The following SDK1 variants were observed in gnomAD, a reference collection of about 807,000 sequenced individuals.
SDK1 encodes sidekick cell adhesion molecule 1, also known as protein sidekick-1.
A neutral mutation model predicts 245.5 loss-of-function variants in SDK1; 157 were observed. That is an observed-to-expected ratio of 0.64 (90% CI 0.56 to 0.73). SDK1 has a LOEUF of 0.73. Ranked by LOEUF, SDK1 falls within the 30% of genes least tolerant of loss-of-function variation. The pLI is 0.00. For synonymous variants in SDK1, 1,647 were observed against 1,278.5 expected, an observed-to-expected ratio of 1.29 and a Z score of -6.15; for missense variants, 3,583 against 3,002.3, an observed-to-expected ratio of 1.19 and a Z score of -4.52.
At chr7:4,044,653 C>T (rs1788886643) in intron 17 of SDK1, among the ~76,000 whole-genome samples, 1 of 152,120 alleles carries the variant, frequency 6.6e-6, no homozygotes, top group African/African-American at 2.4e-5. Context: ...CCCTGTTGCC[C>T]AGGCTGGTCT....
intron 4 of SDK1, chr7:3,643,219 G>A (rs1782707898): frequency 6.6e-6 from 1 of 150,852 alleles, no homozygotes; most frequent in African/African-American, 2.4e-5. Context: ...ACCCCTACCT[G>A]AGCATCTGTG....
chr7:3,473,927 T>C (rs947902727), intron 1 of SDK1, among the ~76,000 whole-genome samples: 5 of 151,982 alleles, frequency 3.3e-5, no homozygotes, highest in African/African-American at 1.2e-4. Context: ...AATGTGGACT[T>C]TGGAGCCCAA....
chr7:3,801,825 A>G (rs1022136803), intron 4 of SDK1, among the ~76,000 whole-genome samples: 1 of 152,074 alleles, frequency 6.6e-6, no homozygotes, highest in African/African-American at 2.4e-5. Flanking sequence ...CTCCGTCTTC[A>G]TGTGGTTCTC....
intron 34 of SDK1, among the ~76,000 whole-genome samples, chr7:4,177,432 C>T (rs1446987671): frequency 6.6e-6 from 1 of 152,226 alleles, no homozygotes; most frequent in Non-Finnish European, 1.5e-5. Context: ...GGCCCCCTGC[C>T]CTAAGGAGTT....
chr7:3,628,050 T>G (rs1782174259), intron 2 of SDK1, among the ~76,000 whole-genome samples: 1 of 152,152 alleles, frequency 6.6e-6, no homozygotes, highest in Admixed American at 6.5e-5. Context: ...TCCGTCTGCT[T>G]GGAAGGCTCT....
In SDK1 at chr7:3,455,083, G is replaced by A. The variant is rs1026844818; in HGVS notation, c.298+153199G>A. Among the ~76,000 whole-genome samples the A allele has an allele frequency of 5.3e-5, 8 of 151,440 alleles. No homozygotes were observed. The South Asian group carries it at 1.7e-3, about 32-fold the overall frequency. On this transcript the variant is annotated intron_variant, in intron 1 of 44. Coordinates refer to ENST00000404826, the MANE Select transcript of SDK1 (RefSeq NM_152744.4). The stretch of plus-strand genomic sequence containing the variant: ...TCACATTTTTGTAATGGCTACTGGT[G>A]TTGGATATCATATGATATCTGTTCG...
intron 1 of SDK1, among the ~76,000 whole-genome samples, chr7:3,319,454 G>T (rs1779740291): frequency 6.6e-6 from 1 of 152,118 alleles, no homozygotes. Flanking sequence ...CTACACCCAT[G>T]GCTGGTGTGG....
chr7:3,476,547 A>G (rs1781353077), intron 1 of SDK1, among the ~76,000 whole-genome samples: 1 of 152,252 alleles, frequency 6.6e-6, no homozygotes, highest in African/African-American at 2.4e-5. Flanking sequence ...GGGGTCATAT[A>G]GGACTTTATC....
chr7:3,930,449 C>T (rs1202461421), intron 5 of SDK1, among the ~76,000 whole-genome samples: 1 of 152,168 alleles, frequency 6.6e-6, no homozygotes, highest in Non-Finnish European at 1.5e-5. Flanking sequence ...GAAGCACTGA[C>T]ATGGAAGAGG....
At chr7:3,921,918 A>G (rs1215909620) in intron 5 of SDK1, among the ~76,000 whole-genome samples, 2 of 151,830 alleles carry the variant, frequency 1.3e-5, no homozygotes, top group Non-Finnish European at 2.9e-5. Context: ...GTGAACCGAG[A>G]TCACACCAGT....
chr7:4,035,387 G>A (rs542873763), intron 17 of SDK1, among the ~76,000 whole-genome samples: 1 of 152,298 alleles, frequency 6.6e-6, no homozygotes, highest in African/African-American at 2.4e-5. Context: ...TGGCATAACA[G>A]TATGGAAAGT....
At chr7:3,335,598 G>C (rs1170777957) in intron 1 of SDK1, among the ~76,000 whole-genome samples, 2 of 152,138 alleles carry the variant, frequency 1.3e-5, no homozygotes, top group Non-Finnish European at 2.9e-5. Flanking sequence ...AAGATTGAAG[G>C]ATAAGAGGGT....
At chr7:3,982,381 G>T (rs990051455) in intron 13 of SDK1, among the ~76,000 whole-genome samples, 1 of 152,152 alleles carries the variant, frequency 6.6e-6, no homozygotes, top group African/African-American at 2.4e-5. Flanking sequence ...CACAACATCC[G>T]TTCTGCAGAC....
At chr7:3,380,416 T>C (rs1453616640) in intron 1 of SDK1, among the ~76,000 whole-genome samples, 1 of 152,190 alleles carries the variant, frequency 6.6e-6, no homozygotes, top group Non-Finnish European at 1.5e-5. Flanking sequence ...GTTTTAAGAG[T>C]TACAGAAAAG....
chr7:3,446,420 CTT>C (rs1283560419), intron 1 of SDK1, among the ~76,000 whole-genome samples: 4 of 152,060 alleles, frequency 2.6e-5, no homozygotes, highest in Non-Finnish European at 4.4e-5. Flanking sequence ...TGGAGACAAT[CTT>C]ATAGTTGATA....
At chr7:3,608,176 G>A (rs966948782) in intron 1 of SDK1, among the ~76,000 whole-genome samples, 2 of 152,156 alleles carry the variant, frequency 1.3e-5, no homozygotes, top group African/African-American at 4.8e-5. Context: ...TAGCCTTAAA[G>A]TAGTAAAAAT....
intron 1 of SDK1, among the ~76,000 whole-genome samples, chr7:3,613,144 G>A (rs764997311): frequency 6.6e-6 from 1 of 152,062 alleles, no homozygotes; most frequent in African/African-American, 2.4e-5. Flanking sequence ...CAGATGATAC[G>A]ACTTAATTTT....
At chr7:3,307,428 C>G (rs985836666) in intron 1 of SDK1, among the ~76,000 whole-genome samples, 3 of 152,160 alleles carry the variant, frequency 2.0e-5, no homozygotes, top group African/African-American at 7.2e-5. Context: ...AGTTATTGAT[C>G]CTATACCTGA....
At chr7:3,627,581 C>T (rs561242856) in intron 2 of SDK1, among the ~76,000 whole-genome samples, 2 of 152,312 alleles carry the variant, frequency 1.3e-5, no homozygotes, top group African/African-American at 4.8e-5. Context: ...AATTGTGTCG[C>T]ACTGAGGGCT....
Sources: gnomAD v4.1 joint callset for allele counts (sites outside exome capture counted in the v4.1 genomes callset) on GRCh38, gnomAD v4.1.1 for gene constraint, MANE v1.5 for transcripts, NCBI Gene and HGNC (gene_info 2026-07-23, HGNC 2026-07-21) for gene names.